Variants in R3HCC1 observed in about 807,000 individuals in gnomAD.
The protein encoded by R3HCC1 is R3H and coiled-coil domain-containing protein 1.
Under a neutral mutation model 40.0 loss-of-function variants are expected in R3HCC1, and 32 were observed. That is an observed-to-expected ratio of 0.80 (90% CI 0.60 to 1.07). The LOEUF (loss-of-function observed/expected upper bound fraction) is 1.07. R3HCC1 is among the 50% of genes least tolerant of loss of function. The probability of loss-of-function intolerance (pLI) is 0.00; values close to 1 mark genes in which losing one functional copy is unlikely to be tolerated. For synonymous variants in R3HCC1, 237 were observed against 232.8 expected (o/e 1.02, Z -0.17); for missense variants, 586 against 563.3 (o/e 1.04, Z -0.41).
In R3HCC1 at chr8:23,291,407, A is replaced by G. The variant is rs1223540845; in HGVS notation, c.899A>G (p.His300Arg). Residue 300 changes from histidine (H) to arginine (R), a missense_variant, in exon 5 of 8, where the codon CAT (histidine) becomes CGT (arginine). Transcript: ENST00000265806. ...AAGGAGATTCAGATAGAGAAGATCC[A>G]TTTGGACACATCCTCCTTCGTGGAG... 3.2e-6 allele frequency: 5 copies of G among 1,551,782 alleles called. No homozygotes were observed. The East Asian group carries it at 1.2e-4, about 38-fold the overall frequency.
rs1253912090 is a variant in R3HCC1, at chr8:23,296,011, G to A, written c.1237G>A (p.Val413Met). The stretch of plus-strand genomic sequence containing the variant: ...GGAGAGGCCACAGACAAATGCGACT[G>A]TGGCCCGGCGGCTGGTGGCCCGGGC... The change falls in exon 8 of 8, where the codon GTG becomes ATG. Residue 413 changes from valine to methionine, a missense_variant. Physicochemically the swap from Val to Met is conservative, Grantham distance 21. Transcript: ENST00000265806. 1.3e-6 allele frequency: 2 copies of A among 1,550,924 alleles called. No individual in the cohort carries two copies. The highest frequency in any genetic ancestry group is 2.4e-5 in the South Asian group (2 of 84,056).
At chr8:23,292,588 T>C (rs6982957) in intron 5 of R3HCC1, among the ~76,000 whole-genome samples, 113,386 of 151,828 alleles carry the variant, frequency 0.75, 42,553 homozygotes, top group East Asian at 0.96. Flanking sequence ...CACTTCAGCC[T>C]GGGTGACAGT....
chr8:23,296,034 G>T lies in R3HCC1; in HGVS notation c.1260G>T (p.Arg420=). The T allele has an allele frequency of 6.4e-7, 1 of 1,550,760 alleles. No individual in the cohort carries two copies. The change falls in exon 8 of 8, where the codon CGG becomes CGT. Residue 420 remains arginine (R), a synonymous_variant. Coordinates refer to ENST00000265806, the MANE Select transcript of R3HCC1 (RefSeq NM_001136108.3). ...CTGTGGCCCGGCGGCTGGTGGCCCGGGCCCTGGGACTCCAACACAAAAAGA... is the reference window on the plus strand; with the variant it reads ...CTGTGGCCCGGCGGCTGGTGGCCCGTGCCCTGGGACTCCAACACAAAAAGA...
At chr8:23,293,087 A>C (rs1802903752) in intron 5 of R3HCC1, among the ~76,000 whole-genome samples, 1 of 152,170 alleles carries the variant, frequency 6.6e-6, no homozygotes, top group African/African-American at 2.4e-5. Flanking sequence ...GACCTGCCTG[A>C]CATTGACAGG....
chr8:23,290,829 T>C (rs1802852358), intron 4 of R3HCC1: 1 of 273,990 alleles, frequency 3.6e-6, no homozygotes. Context: ...AATTACTCTT[T>C]AGCCTGAAGT....
At position 23,288,136 on chromosome 8, in the gene R3HCC1, T is replaced by C. The variant is rs1802778689; in HGVS notation, c.-40T>C. ...GGCCCCTGGGGACGCCGAGGGCGGCTGCGACGCGCCGAGAGGCCGCGGTGA... is the reference window on the plus strand; with the variant it reads ...GGCCCCTGGGGACGCCGAGGGCGGCCGCGACGCGCCGAGAGGCCGCGGTGA... On this transcript the variant is annotated 5_prime_UTR_variant, in exon 1 of 8. Coordinates refer to ENST00000265806, the MANE Select transcript of R3HCC1 (RefSeq NM_001136108.3). The C allele has an allele frequency of 8.0e-7, 1 of 1,252,658 alleles. No homozygotes were observed. Among genetic ancestry groups the C allele is most frequent in the Non-Finnish European group, 1.0e-6 (1 of 973,488 alleles). The allele number at this position is 1,252,658 out of a possible 1,614,324, so 77.6% of individuals were successfully genotyped here.
chr8:23,295,048 C>A (rs1031516746), intron 7 of R3HCC1, among the ~76,000 whole-genome samples, 184 bp downstream of exon 7: 15 of 152,108 alleles, frequency 9.9e-5, no homozygotes, highest in Non-Finnish European at 1.6e-4. Context: ...CTGTGTTCCC[C>A]CTCCCTAGCA....
intron 7 of R3HCC1, chr8:23,295,450 T>C (rs924544363): frequency 3.7e-5 from 17 of 456,946 alleles, no homozygotes; most frequent in Non-Finnish European, 7.5e-5. Context: ...TTTCCCCTTC[T>C]ACTTCCAGAA....
intron 6 of R3HCC1, among the ~76,000 whole-genome samples, 161 bp downstream of exon 6, chr8:23,293,534 C>T (rs3923378): frequency 0.29 from 44,031 of 151,890 alleles, 6,837 homozygotes; most frequent in East Asian, 0.61. Context: ...GGGAGCTGAG[C>T]GGTCTCTGGC....
At chr8:23,295,336 A>C (rs1393543145) in intron 7 of R3HCC1, 1 of 379,488 alleles carries the variant, frequency 2.6e-6, no homozygotes, top group Non-Finnish European at 5.2e-6. Flanking sequence ...CTTCTGTAAA[A>C]TAAGCAGACT....
intron 5 of R3HCC1, among the ~76,000 whole-genome samples, chr8:23,292,332 C>T (rs180949480): frequency 1.2e-3 from 180 of 152,204 alleles, no homozygotes; most frequent in African/African-American, 3.8e-3. Flanking sequence ...TGGCTGGGCA[C>T]GGTGGCTCAC....
chr8:23,293,942 A>G (rs958169763), intron 6 of R3HCC1, among the ~76,000 whole-genome samples: 1 of 152,092 alleles, frequency 6.6e-6, no homozygotes, highest in Non-Finnish European at 1.5e-5. Flanking sequence ...ACTTGCCTGC[A>G]TTGCCCTGCC....
At chr8:23,290,689 A>G (rs1339515285) in intron 4 of R3HCC1, among the ~76,000 whole-genome samples, 3 of 152,074 alleles carry the variant, frequency 2.0e-5, no homozygotes, top group East Asian at 3.9e-4. Flanking sequence ...TGGGCAAGTT[A>G]TTTTGTTTGG....
Position 23,290,158 on chromosome 8 carries a change from G to C in R3HCC1, c.541G>C (p.Asp181His), listed in dbSNP as rs1371067117. The C allele has an allele frequency of 1.3e-6, 2 of 1,551,690 alleles. No individual in the cohort carries two copies. Among genetic ancestry groups the C allele is most frequent in the South Asian group, 1.2e-5 (1 of 84,062 alleles). ...TGTTGGTGCTGGAGACCCCAACTCT[G>C]ATCAGGGACTCCCTGTGCTGATGAC... The change falls in exon 4 of 8, where the codon GAT (aspartate) becomes CAT (histidine). Residue 181 changes from aspartate to histidine, a missense_variant. Asp to His is a moderately conservative substitution (Grantham distance 81). Coordinates refer to ENST00000265806, the MANE Select transcript of R3HCC1 (RefSeq NM_001136108.3).
chr8:23,291,841 C>T (rs1802872889), intron 5 of R3HCC1, among the ~76,000 whole-genome samples: 1 of 152,210 alleles, frequency 6.6e-6, no homozygotes, highest in South Asian at 2.1e-4. Flanking sequence ...ATGGCAGCCT[C>T]CTCTTCTCCT....
chr8:23,294,144 C>T (rs1211057815), intron 6 of R3HCC1, among the ~76,000 whole-genome samples: 1 of 152,088 alleles, frequency 6.6e-6, no homozygotes, highest in African/African-American at 2.4e-5. Flanking sequence ...GGGTCTCAAA[C>T]CCCAGAGAGG....
chr8:23,291,447 G>A lies in R3HCC1; in HGVS notation c.939G>A (p.Glu313=), dbSNP rs1372795071. 2 of 1,551,714 alleles carry A rather than the reference G, an allele frequency of 1.3e-6. No homozygotes were observed. Among genetic ancestry groups the A allele is most frequent in the Non-Finnish European group, 1.7e-6 (2 of 1,146,952 alleles). Residue 313 remains glutamate, a synonymous_variant, in exon 5 of 8, where the codon GAG becomes GAA. Transcript: ENST00000265806. The stretch of plus-strand genomic sequence containing the variant: ...CCTTCGTGGAGGAGCTGCCTGGAGA[G>A]AAGGACCTTGCCCACGTGGTAGAGA...
rs1392443909 is a variant in R3HCC1 at position 23,290,030 on chromosome 8, A to G, written c.413A>G (p.Tyr138Cys). ...GGACGCAAGCCTGACCAGCCTTTGT[A>G]TGTGCCCCGGGTGCTGCGCAGGCAG... is the stretch of plus-strand genomic sequence containing the variant. Residue 138 changes from tyrosine to cysteine, a missense_variant, in exon 4 of 8, where the codon TAT becomes TGT. Physicochemically the swap from Tyr to Cys is radical, Grantham distance 194. Transcript: ENST00000265806. The G allele has an allele frequency of 1.3e-6, 2 of 1,541,912 alleles. No homozygotes were observed. Among genetic ancestry groups the G allele is most frequent in the East Asian group, 2.4e-5 (1 of 40,920 alleles).
intron 7 of R3HCC1, among the ~76,000 whole-genome samples, chr8:23,295,150 T>G (rs1031065888): frequency 6.6e-6 from 1 of 152,098 alleles, no homozygotes; most frequent in Admixed American, 6.5e-5. Context: ...TACCCTCTTC[T>G]GGGCACAGGG....
Sources: allele counts gnomAD v4.1 joint callset (sites outside exome capture counted in the v4.1 genomes callset), GRCh38; gene constraint gnomAD v4.1.1; transcripts MANE v1.5; gene names NCBI Gene and HGNC (gene_info 2026-07-23, HGNC 2026-07-21).